Variants in NUMB observed in about 807,000 individuals in gnomAD.
NUMB encodes the protein protein numb homolog.
A neutral mutation model predicts 59.7 loss-of-function variants in NUMB; 29 were observed. The observed-to-expected ratio is 0.49, with a 90% CI of 0.36 to 0.66. The LOEUF (loss-of-function observed/expected upper bound fraction) is 0.66, where lower values mean the gene tolerates loss of function less well. Ranked by LOEUF, NUMB falls within the 30% of genes least tolerant of loss-of-function variation. NUMB has a pLI of 0.00. For synonymous variants in NUMB, 288 were observed against 288.2 expected (o/e 1.00, Z 0.01); for missense variants, 723 against 822.0 (o/e 0.88, Z 1.47).
intron 4 of NUMB, among the ~76,000 whole-genome samples, chr14:73,332,259 T>C (rs1010254313): frequency 6.6e-6 from 1 of 151,984 alleles, no homozygotes; most frequent in Admixed American, 6.6e-5. Context: ...TTTTTCTTTT[T>C]TTTTTCTTTT....
At chr14:73,328,601 A>G (rs1407311301) in intron 4 of NUMB, among the ~76,000 whole-genome samples, 1 of 152,196 alleles carries the variant, frequency 6.6e-6, no homozygotes, top group Non-Finnish European at 1.5e-5. Context: ...AAGCCATTCT[A>G]ATAGGTACAT....
At chr14:73,437,933 A>G (rs560372144) in intron 1 of NUMB, among the ~76,000 whole-genome samples, 9 of 152,386 alleles carry the variant, frequency 5.9e-5, no homozygotes, top group African/African-American at 2.2e-4. Flanking sequence ...GTTAATGATC[A>G]TATTTTAAAT....
rs973554582 is a variant in NUMB, at chr14:73,407,098, C to T, written c.-101+2839G>A. ...CCTCAAGTAATCCACCCACCTGGGC[C>T]TCCCAAGGTGCTGGGATGACAGGAG... On this transcript the variant is annotated intron_variant, in intron 2 of 12. Transcript: ENST00000555238. Among the ~76,000 whole-genome samples the T allele has an allele frequency of 4.6e-5, 7 of 152,022 alleles. No individual in the cohort carries two copies. The East Asian group carries it at 7.8e-4, about 17-fold the overall frequency.
chr14:73,408,851 T>C (rs1595003471), intron 2 of NUMB, among the ~76,000 whole-genome samples: 2 of 133,362 alleles, frequency 1.5e-5, no homozygotes, highest in South Asian at 2.3e-4. Flanking sequence ...CATTCCAGCC[T>C]GGGCAACAAG....
At chr14:73,291,984 G>A (rs749736856) in intron 8 of NUMB, among the ~76,000 whole-genome samples, 5 of 151,962 alleles carry the variant, frequency 3.3e-5, no homozygotes, top group Non-Finnish European at 4.4e-5. Flanking sequence ...GTGCCTGGCC[G>A]GTATTTCTGT....
intron 1 of NUMB, among the ~76,000 whole-genome samples, chr14:73,442,864 C>CT (rs1159531371): frequency 6.6e-6 from 1 of 151,906 alleles, no homozygotes; most frequent in East Asian, 1.9e-4. Flanking sequence ...ACACCATTTA[C>CT]TTTTTTTTCT....
chr14:73,316,533 G>A, intron 5 of NUMB, 111 bp from the exon 6 acceptor site: 1 of 972,222 alleles, frequency 1.0e-6, no homozygotes. Context: ...AGTGGGAGAA[G>A]GGGTGGGAGT....
At chr14:73,286,678 A>G (rs1316460531) in intron 9 of NUMB, 1 of 189,388 alleles carries the variant, frequency 5.3e-6, no homozygotes, top group Non-Finnish European at 1.1e-5. Flanking sequence ...AATATCATAT[A>G]AACAGTATTA....
At chr14:73,336,430 G>A (rs1892320602) in intron 4 of NUMB, among the ~76,000 whole-genome samples, 1 of 152,046 alleles carries the variant, frequency 6.6e-6, no homozygotes, top group African/African-American at 2.4e-5. Context: ...TGCCTTCTGG[G>A]GAATTAAATA....
In NUMB at chr14:73,353,072, G is replaced by GTTTTTCTTTT. The variant is rs71450219; in HGVS notation, c.126+2553_126+2554insAAAAGAAAAA. Reference sequence around the variant, plus strand: ...CTTAATGGATGCCACAGTTTTTCTTGTTTTTTTTTTTTTTTTTTTTTTTTT... The same window carrying GTTTTTCTTTT: ...CTTAATGGATGCCACAGTTTTTCTTGTTTTTCTTTTTTTTTTTTTTTTTTTTTTTTTTTTT... On this transcript the variant is annotated intron_variant, in intron 4 of 12. Transcript: ENST00000555238. 8.5e-3 allele frequency among the ~76,000 whole-genome samples: 498 copies of GTTTTTCTTTT among 58,496 alleles called. 66 individuals carry two copies. The highest frequency in any genetic ancestry group is 0.015 in the African/African-American group (265 of 17,556). The allele number at this position is 58,496 out of a possible 152,430, so 38.4% of individuals were successfully genotyped here. A position where few individuals can be genotyped will look rare whatever the true frequency, so the allele number is the denominator to read the frequency against.
chr14:73,447,180 C>T (rs903734248), intron 1 of NUMB, among the ~76,000 whole-genome samples: 1 of 130,026 alleles, frequency 7.7e-6, no homozygotes, highest in Admixed American at 8.4e-5. Flanking sequence ...AGCGAGACTC[C>T]ATCTCAAAAA....
chr14:73,412,632 GAAAAAAAAA>G, intron 1 of NUMB, among the ~76,000 whole-genome samples: 1 of 92,514 alleles, frequency 1.1e-5, no homozygotes, highest in South Asian at 4.0e-4. Context: ...CGTCTCAAAA[GAAAAAAAAA>G]AAAAAAAAAG....
intron 6 of NUMB, among the ~76,000 whole-genome samples, chr14:73,307,092 G>A (rs1890480698): frequency 1.3e-5 from 2 of 152,154 alleles, no homozygotes; most frequent in South Asian, 2.1e-4. Flanking sequence ...GGTGGATCAC[G>A]AGGTCAGGTG....
chr14:73,421,144 C>T (rs1897328025), intron 1 of NUMB, among the ~76,000 whole-genome samples: 1 of 151,920 alleles, frequency 6.6e-6, no homozygotes, highest in South Asian at 2.1e-4. Context: ...TAAAGTAATA[C>T]AAGAGAAAGA....
chr14:73,302,360 C>A (rs1321567368), intron 6 of NUMB, among the ~76,000 whole-genome samples: 4 of 151,512 alleles, frequency 2.6e-5, no homozygotes, highest in African/African-American at 7.3e-5. Flanking sequence ...AAATTAAGCC[C>A]AGCCTTCCTC....
At chr14:73,389,782 GATA>G (rs1184608836) in intron 2 of NUMB, among the ~76,000 whole-genome samples, 1 of 152,264 alleles carries the variant, frequency 6.6e-6, no homozygotes, top group African/African-American at 2.4e-5. Flanking sequence ...TTTAAAATGG[GATA>G]ATAATGTATA....
At chr14:73,416,128 G>T (rs1897118882) in intron 1 of NUMB, among the ~76,000 whole-genome samples, 1 of 152,114 alleles carries the variant, frequency 6.6e-6, no homozygotes, top group Non-Finnish European at 1.5e-5. Flanking sequence ...ATTCCATGAA[G>T]ATAAATGAAC....
At chr14:73,348,271 G>T (rs914126090) in intron 4 of NUMB, among the ~76,000 whole-genome samples, 2 of 152,170 alleles carry the variant, frequency 1.3e-5, no homozygotes, top group Non-Finnish European at 2.9e-5. Context: ...AGTTGGGGAG[G>T]GAAGGAGTGA....
intron 2 of NUMB, among the ~76,000 whole-genome samples, chr14:73,379,619 A>G (rs1467247127): frequency 6.6e-6 from 1 of 152,216 alleles, no homozygotes; most frequent in East Asian, 1.9e-4. Context: ...TTGTTAGGTT[A>G]TATTTGAGCA....
Sources: allele counts gnomAD v4.1 joint callset (sites outside exome capture counted in the v4.1 genomes callset), GRCh38; gene constraint gnomAD v4.1.1; transcripts MANE v1.5; gene names NCBI Gene and HGNC (gene_info 2026-07-23, HGNC 2026-07-21).